Variants in GRIK2 observed in about 807,000 individuals in gnomAD.
GRIK2 encodes glutamate receptor ionotropic, kainate 2.
GRIK2 carries 32 observed loss-of-function variants against 100.3 expected under a neutral mutation model. The observed-to-expected ratio is 0.32, with a 90% CI of 0.24 to 0.43. The LOEUF (loss-of-function observed/expected upper bound fraction) is 0.43. Among genes scored for constraint, GRIK2 ranks in the 20% least tolerant of loss-of-function variants. GRIK2 has a pLI of 1.00. For missense variants in GRIK2, 843 were observed against 1,114.9 expected, an observed-to-expected ratio of 0.76 and a Z score of 3.47; for synonymous variants, 417 against 389.4, an observed-to-expected ratio of 1.07 and a Z score of -0.83.
At chr6:101,964,014 G>T (rs746151511) in intron 14 of GRIK2, among the ~76,000 whole-genome samples, 82 of 151,404 alleles carry the variant, frequency 5.4e-4, no homozygotes, top group Non-Finnish European at 7.2e-4. Flanking sequence ...ATGGGTTAAG[G>T]TTCAAATTAC....
chr6:101,995,913 C>T (rs1794627449), intron 14 of GRIK2, among the ~76,000 whole-genome samples: 2 of 151,880 alleles, frequency 1.3e-5, no homozygotes. Context: ...ACTATTTGGG[C>T]TTAAAATTTA....
chr6:101,676,440 A>G (rs1427247827), intron 4 of GRIK2, among the ~76,000 whole-genome samples, 183 bp from the exon 5 acceptor site: 1 of 152,152 alleles, frequency 6.6e-6, no homozygotes, highest in Non-Finnish European at 1.5e-5. Context: ...GGTCAAGAAA[A>G]TTATGCGTTC....
At chr6:101,850,117 A>T (rs1784049434) in intron 10 of GRIK2, among the ~76,000 whole-genome samples, 1 of 152,056 alleles carries the variant, frequency 6.6e-6, no homozygotes, top group Non-Finnish European at 1.5e-5. Context: ...TCAAAAACGT[A>T]GCCTGTGAGA....
At chr6:101,399,672 G>GGCAC (rs1419544067) in intron 2 of GRIK2, among the ~76,000 whole-genome samples, 7 of 152,196 alleles carry the variant, frequency 4.6e-5, no homozygotes, top group Non-Finnish European at 1.0e-4. Context: ...TGACGATGGA[G>GGCAC]GCACGGTCAG....
At chr6:102,057,296 T>C (rs1445370028) in intron 16 of GRIK2, among the ~76,000 whole-genome samples, 1 of 152,042 alleles carries the variant, frequency 6.6e-6, no homozygotes, top group Admixed American at 6.6e-5. Context: ...GGTATTCTAT[T>C]GTGCTTACCT....
intron 7 of GRIK2, among the ~76,000 whole-genome samples, chr6:101,798,917 A>T (rs1163285066): frequency 1.3e-5 from 2 of 152,142 alleles, no homozygotes; most frequent in Non-Finnish European, 2.9e-5. Flanking sequence ...GTGCAAACAC[A>T]GTAGAATTCA....
At chr6:101,417,479 C>T (rs1442733337) in intron 2 of GRIK2, among the ~76,000 whole-genome samples, 2 of 152,180 alleles carry the variant, frequency 1.3e-5, no homozygotes, top group Non-Finnish European at 2.9e-5. Flanking sequence ...TGTTGCTGCT[C>T]TGTGCCCTCC....
chr6:101,512,065 T>C (rs1255590620), intron 2 of GRIK2, among the ~76,000 whole-genome samples: 2 of 151,418 alleles, frequency 1.3e-5, no homozygotes, highest in Non-Finnish European at 3.0e-5. Context: ...TACATATATA[T>C]ATATATATAT....
chr6:101,673,973 A>G (rs1444832725), intron 4 of GRIK2, among the ~76,000 whole-genome samples: 2 of 152,230 alleles, frequency 1.3e-5, no homozygotes, highest in Admixed American at 1.3e-4. Flanking sequence ...ATTATAAGTC[A>G]TACACATTTG....
chr6:101,841,890 C>T (rs1783528341), intron 10 of GRIK2, among the ~76,000 whole-genome samples: 1 of 152,066 alleles, frequency 6.6e-6, no homozygotes, highest in Admixed American at 6.6e-5. Flanking sequence ...TAATATCTAA[C>T]TGAAAAGAAG....
At chr6:102,063,539 G>A (rs1718844836) in intron 16 of GRIK2, among the ~76,000 whole-genome samples, 1 of 150,662 alleles carries the variant, frequency 6.6e-6, no homozygotes, top group Admixed American at 6.7e-5. Context: ...AATTATCAAT[G>A]TGGAGCATGA....
chr6:101,463,584 T>C (rs911412219), intron 2 of GRIK2, among the ~76,000 whole-genome samples: 9 of 152,196 alleles, frequency 5.9e-5, no homozygotes, highest in African/African-American at 2.2e-4. Context: ...GGGGAAGTTC[T>C]TAAAATCAAT....
intron 2 of GRIK2, among the ~76,000 whole-genome samples, chr6:101,621,080 G>A (rs1418405935): frequency 1.3e-5 from 2 of 152,134 alleles, no homozygotes; most frequent in Non-Finnish European, 2.9e-5. Context: ...TCTTAAAAGG[G>A]ACTTAGAATA....
chr6:101,807,041 G>A (rs73512746), intron 9 of GRIK2, among the ~76,000 whole-genome samples: 9,837 of 151,922 alleles, frequency 0.065, 344 homozygotes, highest in African/African-American at 0.09. Flanking sequence ...TTTGTTGACT[G>A]TTGAATGAAT....
chr6:101,699,473 T>C (rs780982698), intron 7 of GRIK2, among the ~76,000 whole-genome samples: 1 of 152,106 alleles, frequency 6.6e-6, no homozygotes, highest in African/African-American at 2.4e-5. Context: ...CCAGCTCTTC[T>C]CTGAGACTAT....
intron 2 of GRIK2, among the ~76,000 whole-genome samples, chr6:101,519,227 TAG>T (rs1774743554): frequency 6.6e-6 from 1 of 151,574 alleles, no homozygotes. Context: ...TTACAGAGGC[TAG>T]AAAGTTTGGA....
chr6:101,595,622 G>A (rs1229677801), intron 2 of GRIK2, among the ~76,000 whole-genome samples: 2 of 150,096 alleles, frequency 1.3e-5, no homozygotes, highest in African/African-American at 4.9e-5. Flanking sequence ...ACACACATGT[G>A]TATGCATACA....
At chr6:101,942,301 T>C (rs932213474) in intron 14 of GRIK2, among the ~76,000 whole-genome samples, 2 of 152,184 alleles carry the variant, frequency 1.3e-5, no homozygotes, top group African/African-American at 2.4e-5. Context: ...TAGTTCTTTA[T>C]AGCACTGTGA....
chr6:101,823,688 TAGAG>T (rs1782111662), intron 10 of GRIK2, among the ~76,000 whole-genome samples: 1 of 152,082 alleles, frequency 6.6e-6, no homozygotes, highest in African/African-American at 2.4e-5. Flanking sequence ...GAGCAAGTAG[TAGAG>T]AGATTTTAAA....
Sources: allele counts gnomAD v4.1 joint callset (sites outside exome capture counted in the v4.1 genomes callset), GRCh38; gene constraint gnomAD v4.1.1; transcripts MANE v1.5; gene names NCBI Gene and HGNC (gene_info 2026-07-23, HGNC 2026-07-21).